Variants in ANOS1 observed in about 807,000 individuals in gnomAD.
ANOS1 encodes anosmin-1.
ANOS1 carries 6 observed loss-of-function variants against 59.0 expected under a neutral mutation model. That is an observed-to-expected ratio of 0.10 (90% CI 0.06 to 0.20). The LOEUF is 0.20. Among genes scored for constraint, ANOS1 ranks in the 10% least tolerant of loss-of-function variants. The pLI is 1.00. For synonymous variants in ANOS1, 217 were observed against 223.4 expected (o/e 0.97, Z 0.25); for missense variants, 433 against 542.3 (o/e 0.80, Z 2.00).
At chrX:8,680,075 G>T (rs1450645431) in intron 2 of ANOS1, among the ~76,000 whole-genome samples, 3 of 98,074 alleles carry the variant, frequency 3.1e-5, no homozygotes, top group African/African-American at 1.2e-4. Context: ...GCAGGAGAAA[G>T]AATTGCTTGA....
At position 8,585,394 on chromosome X, in the gene ANOS1, G is replaced by A. The variant is rs1442686419; in HGVS notation, c.729C>T (p.Thr243=). 1.7e-6 allele frequency: 2 copies of A among 1,210,884 alleles called. No individual in the cohort carries two copies. The highest frequency in any genetic ancestry group is 2.2e-6 in the Non-Finnish European group (2 of 894,871). Residue 243 remains threonine (T), a splice_region_variant and synonymous_variant, in exon 6 of 14, where the codon ACC becomes ACT. Transcript: ENST00000262648. Reference sequence around the variant, plus strand: ...CAGTCAGTTGAACTCGCTCGTCTGTGGTCTGAGGGGACATGTCACAGAGCA... The same window carrying A: ...CAGTCAGTTGAACTCGCTCGTCTGTAGTCTGAGGGGACATGTCACAGAGCA... ...DATHWQTVAQ[T]TDERVQLTDI... is the part of the protein sequence containing the mutation.
chrX:8,719,713 T>A (rs753366933), intron 1 of ANOS1, among the ~76,000 whole-genome samples: 1 of 111,721 alleles, frequency 9.0e-6, no homozygotes, highest in Admixed American at 9.5e-5. Context: ...TAACAACATA[T>A]CTGCGTTATC....
intron 6 of ANOS1, among the ~76,000 whole-genome samples, chrX:8,581,574 G>A (rs1447888513): frequency 9.0e-6 from 1 of 111,494 alleles, no homozygotes; most frequent in Non-Finnish European, 1.9e-5. Context: ...TATGTTTTCC[G>A]TAAAGATGCA....
Position 8,663,774 on chromosome X carries a change from C to T in ANOS1, c.255+35924G>A, listed in dbSNP as rs188658540. On this transcript the variant is annotated intron_variant, in intron 2 of 13. Transcript: ENST00000262648. ...ATCAACCACTAATCCCAGGATCCACCTTTTCTAATAAAATTATTACATTAC... is the reference window on the plus strand; with the variant it reads ...ATCAACCACTAATCCCAGGATCCACTTTTTCTAATAAAATTATTACATTAC... 3.4e-3 allele frequency among the ~76,000 whole-genome samples: 384 copies of T among 111,996 alleles called. 1 individual carries two copies. Among genetic ancestry groups the T allele is most frequent in the African/African-American group, 0.012 (369 of 30,827 alleles).
At position 8,529,534 on chromosome X, in the gene ANOS1, C is replaced by A. The variant is rs775706920; in HGVS notation, c.*3461G>T. On this transcript the variant is annotated 3_prime_UTR_variant, in exon 14 of 14. Coordinates refer to ENST00000262648, the MANE Select transcript of ANOS1 (RefSeq NM_000216.4). The stretch of plus-strand genomic sequence containing the variant: ...AAATGACATTTACGGATACATAGGG[C>A]AAAATTAGTATTTGTACTTGTATGA... The A allele has an allele frequency of 8.9e-6, 1 of 111,857 alleles. No individual in the cohort carries two copies. Among genetic ancestry groups the A allele is most frequent in the East Asian group, 2.8e-4 (1 of 3,565 alleles). 9.2% of individuals were successfully genotyped at this position (111,857 alleles called of 1,213,427 possible).
chrX:8,568,395 T>C lies in ANOS1; in HGVS notation c.1063-19A>G, dbSNP rs1930159779. ...TTTGAAACTAGAAATTAAGAGAATATACCCAAAATGCGTTACAAACCTTCC... is the reference window on the plus strand; with the variant it reads ...TTTGAAACTAGAAATTAAGAGAATACACCCAAAATGCGTTACAAACCTTCC... On this transcript the variant is annotated intron_variant, in intron 7 of 13. Coordinates refer to ENST00000262648, the MANE Select transcript of ANOS1 (RefSeq NM_000216.4). The C allele has an allele frequency of 8.3e-7, 1 of 1,197,761 alleles. No homozygotes were observed. Among genetic ancestry groups the C allele is most frequent in the Non-Finnish European group, 1.1e-6 (1 of 882,992 alleles).
At chrX:8,612,921 T>C (rs977681164) in intron 3 of ANOS1, among the ~76,000 whole-genome samples, 2 of 111,750 alleles carry the variant, frequency 1.8e-5, no homozygotes, top group Non-Finnish European at 3.8e-5. Flanking sequence ...TTCTACTTCT[T>C]AGAGAAGATA....
rs200145323 is a variant in ANOS1, at chrX:8,597,185, C to T, written c.390G>A (p.Lys130=). 13 of 1,209,979 alleles carry T rather than the reference C, an allele frequency of 1.1e-5. No individual in the cohort carries two copies. The highest frequency in any genetic ancestry group is 1.3e-5 in the Non-Finnish European group (12 of 895,145). The change falls in exon 4 of 14, where the codon AAG becomes AAA. Residue 130 remains lysine (K), a synonymous_variant. Coordinates refer to ENST00000262648, the MANE Select transcript of ANOS1 (RefSeq NM_000216.4). ...TCTCAGGAGCCGGACAGTCCCCCTG[C>T]TTCACCAACAGGATGTATTTGAGGA... The part of the protein sequence containing the change: ...CEFLKYILLV[K]QGDCPAPEKA...
intron 2 of ANOS1, among the ~76,000 whole-genome samples, chrX:8,677,481 T>C (rs73199059): frequency 0.029 from 3,274 of 111,720 alleles, 36 homozygotes; most frequent in South Asian, 0.059. Flanking sequence ...AAGATAAATG[T>C]TGGACGGATG....
At chrX:8,586,182 G>A (rs1365810536) in intron 5 of ANOS1, among the ~76,000 whole-genome samples, 3 of 111,919 alleles carry the variant, frequency 2.7e-5, no homozygotes, top group Non-Finnish European at 5.6e-5. Flanking sequence ...ACCAGGTGCC[G>A]AACTCAACTT....
At chrX:8,575,687 T>C (rs1930308623) in intron 6 of ANOS1, among the ~76,000 whole-genome samples, 1 of 112,023 alleles carries the variant, frequency 8.9e-6, no homozygotes, top group Admixed American at 9.5e-5. Context: ...GAATTAATAA[T>C]ATTTTCTTTA....
In ANOS1 at chrX:8,534,459, T is replaced by C. The variant is rs986438724; in HGVS notation, c.1844A>G (p.Asp615Gly). The C allele has an allele frequency of 8.3e-7, 1 of 1,209,415 alleles. No individual in the cohort carries two copies. The highest frequency in any genetic ancestry group is 2.2e-5 in the Admixed American group (1 of 45,925). Residue 615 changes from aspartate to glycine, a missense_variant and splice_region_variant, in exon 13 of 14, where the codon GAT (aspartate) becomes GGT (glycine). Physicochemically the swap from Asp to Gly is moderately conservative, Grantham distance 94 (BLOSUM62 -1). Transcript: ENST00000262648. The part of the protein sequence containing the change: ...IISQSQILPS[D>G]HYVLTVPNLR... ...ATTGGGCACTGTTAGGACATAATGATCCTAAGGGGACAACATAAAAGAGCA... is the reference window on the plus strand; with the variant it reads ...ATTGGGCACTGTTAGGACATAATGACCCTAAGGGGACAACATAAAAGAGCA...
intron 2 of ANOS1, among the ~76,000 whole-genome samples, chrX:8,695,512 G>A (rs888263551): frequency 3.6e-5 from 4 of 111,076 alleles, no homozygotes; most frequent in Non-Finnish European, 7.5e-5. Context: ...CTATTTCTCC[G>A]GGAATCTACT....
intron 9 of ANOS1, among the ~76,000 whole-genome samples, chrX:8,549,624 C>A (rs1383679635): frequency 8.9e-6 from 1 of 112,329 alleles, no homozygotes; most frequent in African/African-American, 3.2e-5. Context: ...CCTGTCCTCT[C>A]TCTGCACTAT....
chrX:8,601,086 G>A (rs747690738), intron 3 of ANOS1, among the ~76,000 whole-genome samples: 221 of 108,035 alleles, frequency 2.0e-3, no homozygotes, highest in African/African-American at 7.3e-3. Flanking sequence ...CCAGCTACTT[G>A]GGAGGCTGAG....
At chrX:8,569,505 G>A (rs1229641610) in intron 7 of ANOS1, among the ~76,000 whole-genome samples, 7 of 111,450 alleles carry the variant, frequency 6.3e-5, no homozygotes, top group East Asian at 5.7e-4. Flanking sequence ...AGCTGGGTGT[G>A]GTGGCGGGCG....
intron 2 of ANOS1, among the ~76,000 whole-genome samples, chrX:8,672,015 ACTC>A (rs1332513818): frequency 9.1e-6 from 1 of 110,231 alleles, no homozygotes; most frequent in Non-Finnish European, 1.9e-5. Context: ...TCTTGACCTT[ACTC>A]CTCCTAACTG....
At chrX:8,730,998 C>T (rs1932970698) in intron 1 of ANOS1, among the ~76,000 whole-genome samples, 3 of 111,714 alleles carry the variant, frequency 2.7e-5, no homozygotes, top group Non-Finnish European at 5.7e-5. Flanking sequence ...GCGCGCGGCT[C>T]CCGGAGCCTC....
intron 4 of ANOS1, among the ~76,000 whole-genome samples, chrX:8,595,022 C>T (rs984439023): frequency 1.8e-5 from 2 of 108,929 alleles, no homozygotes; most frequent in African/African-American, 3.3e-5. Flanking sequence ...TATTCTGGCC[C>T]GTTCTACAAT....
Sources: allele counts gnomAD v4.1 joint callset (sites outside exome capture counted in the v4.1 genomes callset), GRCh38; gene constraint gnomAD v4.1.1; transcripts MANE v1.5; gene names NCBI Gene and HGNC (gene_info 2026-07-23, HGNC 2026-07-21).